C1orf94: variants seen among roughly 807,000 people sequenced by gnomAD.
The protein encoded by C1orf94 is chromosome 1 open reading frame 94, also known as uncharacterized protein C1orf94.
In C1orf94, 45 loss-of-function variants were observed where a neutral mutation model predicts 53.6. The ratio of observed to expected loss-of-function variants is 0.84; its 90% CI spans 0.66 to 1.08. The LOEUF (loss-of-function observed/expected upper bound fraction) is 1.08, where lower values mean the gene tolerates loss of function less well. Among genes scored for constraint, C1orf94 ranks in the 50% least tolerant of loss-of-function variants. The pLI, the probability that C1orf94 is intolerant of heterozygous loss-of-function variation, is 0.00. For missense variants in C1orf94, 762 were observed against 738.9 expected, an observed-to-expected ratio of 1.03 and a Z score of -0.36; for synonymous variants, 304 against 296.1, an observed-to-expected ratio of 1.03 and a Z score of -0.27.
upstream of C1orf94, among the ~76,000 whole-genome samples, chr1:34,173,593 A>C (rs1389312209): frequency 1.3e-5 from 2 of 152,254 alleles, no homozygotes; most frequent in African/African-American, 4.8e-5. Flanking sequence ...AATGATAGCC[A>C]ACATTCACTG....
Position 34,171,622 on chromosome 1 carries a change from C to T in C1orf94, c.-251+4451C>T, listed in dbSNP as rs543210990. Among the ~76,000 whole-genome samples, 18 of 152,272 alleles carry T rather than the reference C, an allele frequency of 1.2e-4. 1 individual carries two copies. Among genetic ancestry groups the T allele is most frequent in the African/African-American group, 3.4e-4 (14 of 41,546 alleles). ...ATGCTGTCTTCAGAGAACCCTGATGCGAGAAACTGACGAACCTAACAGCAT... is the reference window on the plus strand; with the variant it reads ...ATGCTGTCTTCAGAGAACCCTGATGTGAGAAACTGACGAACCTAACAGCAT... On this transcript the variant is annotated intron_variant, in intron 1 of 6. Transcript: ENST00000373374.
intron 1 of C1orf94, among the ~76,000 whole-genome samples, chr1:34,189,159 C>CTGTT (rs10695302): frequency 0.14 from 20,877 of 151,666 alleles, 2,070 homozygotes; most frequent in African/African-American, 0.28. Context: ...GTGTGCATGG[C>CTGTT]TGTGTGTACA....
In C1orf94 at chr1:34,197,208, C is replaced by G; in HGVS notation, c.321-17C>G. On this transcript the variant is annotated splice_polypyrimidine_tract_variant and intron_variant, in intron 1 of 6. Transcript: ENST00000488417. This position sits in a 1 kb window ranked among gnomAD's most constrained non-coding sequence, Gnocchi z 4.1. ...GAGCTGGCACTAACACCGTCTGTCT[C>G]TCTGACCCATTTCCAGAGCTCTGGA... is the stretch of plus-strand genomic sequence containing the variant. 6.6e-7 allele frequency: 1 copy of G among 1,505,534 alleles called. No individual in the cohort carries two copies. Among genetic ancestry groups the G allele is most frequent in the Non-Finnish European group, 8.9e-7 (1 of 1,122,642 alleles). The allele number at this position is 1,505,534 out of a possible 1,614,324, so 93.3% of individuals were successfully genotyped here.
chr1:34,183,362 A>C (rs192284760), intron 1 of C1orf94, among the ~76,000 whole-genome samples: 13 of 152,284 alleles, frequency 8.5e-5, no homozygotes, highest in Admixed American at 7.2e-4. Flanking sequence ...TTTGCTGTTG[A>C]CTCCGTTGCC....
At position 34,178,117 on chromosome 1, in the gene C1orf94, C is replaced by G; in HGVS notation, c.320+8C>G. 1 of 1,546,504 alleles carries G rather than the reference C, an allele frequency of 6.5e-7. No individual in the cohort carries two copies. The highest frequency in any genetic ancestry group is 1.2e-5 in the South Asian group (1 of 83,820). ...GCTCAGCTTTCAAGAAGAGTAAGTA[C>G]CCCCCTACTCCATTGGCAGCAAGGG... On this transcript the variant is annotated splice_region_variant and intron_variant, in intron 1 of 6. Transcript: ENST00000488417.
chr1:34,182,712 G>A (rs1642328374), intron 1 of C1orf94, among the ~76,000 whole-genome samples: 1 of 152,190 alleles, frequency 6.6e-6, no homozygotes, highest in African/African-American at 2.4e-5. Context: ...TGACAAACAA[G>A]GATGGGGGCA....
chr1:34,212,165 G>C, intron 5 of C1orf94, 45 bp from the exon 6 acceptor site: 1 of 1,544,592 alleles, frequency 6.5e-7, no homozygotes, highest in South Asian at 1.3e-5. Context: ...TTAGAGTTGG[G>C]CTGGGGAATG....
rs543911213 is a variant in C1orf94 at position 34,200,383 on chromosome 1, C to T, written c.1010-389C>T. Reference sequence around the variant, plus strand: ...GAGAGGAAAGAAAAGAAAGGTAATTCGAATAAAGGAATGATGGAAGGAAGG... The same window carrying T: ...GAGAGGAAAGAAAAGAAAGGTAATTTGAATAAAGGAATGATGGAAGGAAGG... On this transcript the variant is annotated intron_variant, in intron 2 of 6. Transcript: ENST00000488417. Among the ~76,000 whole-genome samples the T allele has an allele frequency of 7.3e-5, 11 of 151,238 alleles. No individual in the cohort carries two copies. In the South Asian group the frequency reaches 1.9e-3, roughly 26 times the overall value.
chr1:34,173,324 AG>A (rs1642175546), upstream of C1orf94, among the ~76,000 whole-genome samples: 9 of 152,338 alleles, frequency 5.9e-5, no homozygotes, highest in South Asian at 1.9e-3. Context: ...TTATGGTGAG[AG>A]GTGGGTGTGT....
chr1:34,208,331 G>C (rs187159572), intron 5 of C1orf94, 97 bp downstream of exon 5: 1 of 1,222,340 alleles, frequency 8.2e-7, no homozygotes, highest in East Asian at 2.6e-5. Flanking sequence ...CTGGTGACCA[G>C]ACACCTGGCC....
chr1:34,201,398 TA>T (rs1239389429), intron 3 of C1orf94, among the ~76,000 whole-genome samples: 2 of 152,344 alleles, frequency 1.3e-5, no homozygotes, highest in East Asian at 3.9e-4. Context: ...ACAAGGGTTC[TA>T]GTCAAACCTC....
chr1:34,208,085 T>A, intron 4 of C1orf94, 72 bp from the exon 5 acceptor site: 1 of 1,472,838 alleles, frequency 6.8e-7, no homozygotes, highest in South Asian at 1.2e-5. Flanking sequence ...GTCTGGGAAC[T>A]GAGCTGAGTA....
intron 1 of C1orf94, among the ~76,000 whole-genome samples, chr1:34,196,585 A>G (rs1642587601): frequency 6.6e-6 from 1 of 152,176 alleles, no homozygotes; most frequent in South Asian, 2.1e-4. Context: ...CCCTTACTCT[A>G]TGCCAGACAC....
Position 34,169,279 on chromosome 1 carries a change from C to T in C1orf94, c.-251+2108C>T, listed in dbSNP as rs145450859. 6.2e-3 allele frequency among the ~76,000 whole-genome samples: 945 copies of T among 152,212 alleles called. 14 individuals are homozygous for T. The highest frequency in any genetic ancestry group is 0.021 in the African/African-American group (890 of 41,528). On this transcript the variant is annotated intron_variant, in intron 1 of 6. Transcript: ENST00000373374. ...GGAGTCAAAGACATAACAGCCTACC[C>T]GCATCTAGCCTAGGAGAGTGTGGGT...
At chr1:34,191,088 A>G (rs764234007) in intron 1 of C1orf94, among the ~76,000 whole-genome samples, 2 of 152,324 alleles carry the variant, frequency 1.3e-5, no homozygotes, top group Middle Eastern at 3.4e-3. Context: ...TGCAAGTCCC[A>G]AGAGAAATAG....
chr1:34,192,048 C>A (rs1342928239), intron 1 of C1orf94, among the ~76,000 whole-genome samples: 1 of 152,148 alleles, frequency 6.6e-6, no homozygotes, highest in Non-Finnish European at 1.5e-5. Flanking sequence ...AGCCCAGGAG[C>A]TGGGTTAACC....
intron 5 of C1orf94, 72 bp from the exon 6 acceptor site, chr1:34,212,138 G>T: frequency 7.2e-7 from 1 of 1,394,546 alleles, no homozygotes; most frequent in Non-Finnish European, 9.8e-7. Flanking sequence ...GCTGAGACTG[G>T]GGGTGGGTGG....
intron 1 of C1orf94, among the ~76,000 whole-genome samples, chr1:34,169,663 G>A (rs1043981588): frequency 6.0e-5 from 9 of 151,252 alleles, no homozygotes; most frequent in Admixed American, 2.0e-4. Context: ...CTAGCAATGC[G>A]AGGGCAGAAA....
intron 3 of C1orf94, among the ~76,000 whole-genome samples, chr1:34,201,278 T>C (rs945465148): frequency 6.6e-6 from 1 of 152,216 alleles, no homozygotes; most frequent in African/African-American, 2.4e-5. Context: ...CTTCTGAATA[T>C]AGCCCTGACC....
Sources: gnomAD v4.1 joint callset for allele counts (sites outside exome capture counted in the v4.1 genomes callset) on GRCh38, gnomAD v4.1.1 for gene constraint, Gnocchi (gnomAD v3.1) non-coding constraint, MANE v1.5 for transcripts, NCBI Gene and HGNC (gene_info 2026-07-23, HGNC 2026-07-21) for gene names.